POTEM: variants seen among roughly 807,000 people sequenced by gnomAD.
POTEM encodes the protein putative POTE ankyrin domain family member M.
For missense variants in POTEM, 24 were observed against 343.0 expected, an observed-to-expected ratio of 0.07 and a Z score of 7.35; for synonymous variants, 8 against 113.2, an observed-to-expected ratio of 0.07 and a Z score of 5.90.
intron 6 of POTEM, among the ~76,000 whole-genome samples, chr14:18,981,204 T>TA (rs1555342000): frequency 2.0e-5 from 3 of 152,400 alleles, no homozygotes; most frequent in African/African-American, 7.2e-5. Flanking sequence ...TTTTCATCTT[T>TA]AAGGTGCTCA....
intron 1 of POTEM, among the ~76,000 whole-genome samples, chr14:18,969,098 G>T (rs1333253167): frequency 3.4e-5 from 5 of 145,714 alleles, no homozygotes; most frequent in Admixed American, 2.0e-4. Context: ...GGAATTTAGC[G>T]CTTGATAATG....
chr14:18,969,417 C>T (rs1890859744), intron 1 of POTEM, among the ~76,000 whole-genome samples: 1 of 116,230 alleles, frequency 8.6e-6, no homozygotes, highest in African/African-American at 3.8e-5. Flanking sequence ...GAGTCTCACT[C>T]TGTTGCCCAG....
Position 18,999,476 on chromosome 14 carries a change from G to C in POTEM, c.*811G>C. Among the ~76,000 whole-genome samples the C allele has an allele frequency of 9.3e-6, 1 of 107,680 alleles. No homozygotes were observed. Among genetic ancestry groups the C allele is most frequent in the East Asian group, 2.5e-4 (1 of 4,026 alleles). 70.6% of individuals were successfully genotyped at this position (107,680 alleles called of 152,430 possible). On this transcript the variant is annotated 3_prime_UTR_variant, in exon 11 of 11. Transcript: ENST00000547889. The stretch of plus-strand genomic sequence containing the variant: ...AGCGTGGCTATAGTTTCACCACCAT[G>C]GCCGAGCAGGAAATCGTGCGTGACA...
chr14:18,982,254 G>A (rs1443175885), intron 6 of POTEM, among the ~76,000 whole-genome samples: 13 of 151,076 alleles, frequency 8.6e-5, no homozygotes, highest in African/African-American at 2.7e-4. Context: ...AGCCAACAAT[G>A]TGTGCTGCAG....
In POTEM at chr14:18,986,530, T is replaced by G. The variant is rs1362279600; in HGVS notation, c.1198-639T>G. On this transcript the variant is annotated intron_variant, in intron 7 of 10. Transcript: ENST00000547889. ...AGAAAATCAGGACAGATTAAAATTT[T>G]TATCTACTGTCATTAGTACATATTA... Among the ~76,000 whole-genome samples, 61 of 136,528 alleles carry G rather than the reference T, an allele frequency of 4.5e-4. No homozygotes were observed. In the South Asian group the frequency reaches 0.014, roughly 32 times the overall value. The allele number at this position is 136,528 out of a possible 152,430, so 89.6% of individuals were successfully genotyped here. A position where few individuals can be genotyped will look rare whatever the true frequency, so the allele number is the denominator to read the frequency against.
intron 1 of POTEM, among the ~76,000 whole-genome samples, chr14:18,968,611 G>C (rs1186051602): frequency 7.4e-6 from 1 of 134,812 alleles, no homozygotes; most frequent in Non-Finnish European, 1.6e-5. Flanking sequence ...ATGGGATCAG[G>C]AGATCGAGAC....
chr14:18,996,265 A>G (rs1463428092), intron 9 of POTEM, among the ~76,000 whole-genome samples: 6 of 151,226 alleles, frequency 4.0e-5, no homozygotes, highest in Non-Finnish European at 5.9e-5. Flanking sequence ...GTCCTATGTT[A>G]AAAACATAAT....
chr14:18,968,486 T>C (rs1890816673), intron 1 of POTEM, among the ~76,000 whole-genome samples: 1 of 152,242 alleles, frequency 6.6e-6, no homozygotes, highest in South Asian at 2.1e-4. Context: ...AATGGGAAGA[T>C]GGTTCTTGTG....
chr14:18,991,183 C>T (rs1439176164), intron 9 of POTEM, among the ~76,000 whole-genome samples: 1 of 127,890 alleles, frequency 7.8e-6, no homozygotes, highest in South Asian at 2.4e-4. Context: ...AGTGCCTGGC[C>T]CTTCCTGACT....
chr14:19,002,727 C>A lies in POTEM; in HGVS notation c.*4062C>A, dbSNP rs1216045064. On this transcript the variant is annotated 3_prime_UTR_variant, in exon 11 of 11. Transcript: ENST00000547889. ...TGGACCGTACCATATCAGTGGAGAG[C>A]TGCAGCAAGGTGGCCCCTACGGCCA... is the stretch of plus-strand genomic sequence containing the variant. 6.6e-6 allele frequency among the ~76,000 whole-genome samples: 1 copy of A among 152,252 alleles called. No individual in the cohort carries two copies. Among genetic ancestry groups the A allele is most frequent in the African/African-American group, 2.4e-5 (1 of 41,466 alleles).
At chr14:18,985,924 A>G (rs866274331) in intron 7 of POTEM, among the ~76,000 whole-genome samples, 6 of 127,930 alleles carry the variant, frequency 4.7e-5, no homozygotes, top group South Asian at 2.4e-4. Flanking sequence ...AAAAAAAAAA[A>G]AAAAATATTT....
At chr14:18,996,172 A>G (rs1191663778) in intron 9 of POTEM, among the ~76,000 whole-genome samples, 1 of 151,702 alleles carries the variant, frequency 6.6e-6, no homozygotes, top group Non-Finnish European at 1.5e-5. Flanking sequence ...CTTAATATGC[A>G]TGAAATAAAA....
rs1891342213 is a variant in POTEM, at chr14:18,999,404, C to A, written c.*739C>A. On this transcript the variant is annotated 3_prime_UTR_variant, in exon 11 of 11. Coordinates refer to ENST00000547889, the MANE Select transcript of POTEM (RefSeq NM_001145442.1). ...TCCCCCATGCCACCCTGCGCCTAGA[C>A]CTGGCTGGCCGGGAACTGACTGACT... is the stretch of plus-strand genomic sequence containing the variant. Among the ~76,000 whole-genome samples the A allele has an allele frequency of 7.4e-6, 1 of 135,420 alleles. No homozygotes were observed. Among genetic ancestry groups the A allele is most frequent in the South Asian group, 2.4e-4 (1 of 4,220 alleles). 88.8% of individuals were successfully genotyped at this position (135,420 alleles called of 152,430 possible).
At chr14:18,979,611 G>C in intron 5 of POTEM, among the ~76,000 whole-genome samples, 1 of 115,178 alleles carries the variant, frequency 8.7e-6, no homozygotes, top group South Asian at 3.1e-4. Flanking sequence ...ATAAAGTTTA[G>C]GAAGAGATTA....
intron 7 of POTEM, among the ~76,000 whole-genome samples, chr14:18,986,177 G>T (rs1169942084): frequency 2.2e-4 from 31 of 143,792 alleles, no homozygotes; most frequent in African/African-American, 8.4e-4. Flanking sequence ...CTAACATGAT[G>T]AAGAATGTAA....
chr14:18,986,108 C>T (rs1282971155), intron 7 of POTEM, among the ~76,000 whole-genome samples: 1 of 139,016 alleles, frequency 7.2e-6, no homozygotes, highest in Non-Finnish European at 1.5e-5. Context: ...CTAATCTTTC[C>T]TTTTGGAATA....
At chr14:18,969,383 A>ATATATATAC (rs1890858160) in intron 1 of POTEM, among the ~76,000 whole-genome samples, 4 of 73,588 alleles carry the variant, frequency 5.4e-5, no homozygotes, top group Non-Finnish European at 1.6e-4. Flanking sequence ...ATATATACAC[A>ATATATATAC]AAATTTCTTT....
intron 6 of POTEM, among the ~76,000 whole-genome samples, chr14:18,982,756 T>G (rs1352342738): frequency 1.2e-5 from 1 of 81,318 alleles, no homozygotes; most frequent in African/African-American, 4.3e-5. Flanking sequence ...TTTTTGTTTT[T>G]TTTTTTTTTT....
At chr14:18,969,230 A>G (rs574854676) in intron 1 of POTEM, among the ~76,000 whole-genome samples, 44 of 133,466 alleles carry the variant, frequency 3.3e-4, no homozygotes, top group African/African-American at 1.3e-3. Flanking sequence ...ATACAAAAAG[A>G]GAAACATACC....
Sources: gnomAD v4.1 joint callset for allele counts (sites outside exome capture counted in the v4.1 genomes callset) on GRCh38, gnomAD v4.1.1 for gene constraint, MANE v1.5 for transcripts, NCBI Gene and HGNC (gene_info 2026-07-23, HGNC 2026-07-21) for gene names.